MYO1B: variants seen among roughly 807,000 people sequenced by gnomAD.
The protein encoded by MYO1B is myosin IB, also known as unconventional myosin-Ib.
A neutral mutation model predicts 159.7 loss-of-function variants in MYO1B; 72 were observed. The ratio of observed to expected loss-of-function variants is 0.45; its 90% confidence interval spans 0.37 to 0.55. The LOEUF is 0.55. Among genes scored for constraint, MYO1B ranks in the 20% least tolerant of loss-of-function variants. The pLI is 0.00. For synonymous variants in MYO1B, 468 were observed against 473.8 expected (o/e 0.99, Z 0.16); for missense variants, 1,062 against 1,364.8 (o/e 0.78, Z 3.50).
At chr2:191,336,357 C>G (rs1691840867) in intron 4 of MYO1B, among the ~76,000 whole-genome samples, 1 of 152,074 alleles carries the variant, frequency 6.6e-6, no homozygotes, top group Admixed American at 6.5e-5. Flanking sequence ...TAAACATTGG[C>G]GAGCATTTCA....
intron 5 of MYO1B, among the ~76,000 whole-genome samples, chr2:191,344,557 G>A (rs1338401115): frequency 1.3e-5 from 2 of 152,130 alleles, no homozygotes; most frequent in South Asian, 2.1e-4. Flanking sequence ...ACAGCCGGGC[G>A]TGGTGGCTCA....
intron 13 of MYO1B, among the ~76,000 whole-genome samples, chr2:191,374,347 G>A (rs144819893): frequency 2.4e-4 from 36 of 152,268 alleles, no homozygotes; most frequent in South Asian, 1.0e-3. Context: ...TATTTGTTCT[G>A]TTGTTCTTCA....
intron 1 of MYO1B, among the ~76,000 whole-genome samples, chr2:191,249,682 A>C (rs1685996438): frequency 6.6e-6 from 1 of 152,220 alleles, no homozygotes; most frequent in Non-Finnish European, 1.5e-5. Context: ...AGTCAATATT[A>C]GGTTTTTGTT....
chr2:191,381,554 G>A lies in MYO1B; in HGVS notation c.1278G>A (p.Glu426=). The part of the protein sequence containing the change: ...IELTLKEEQE[E]YIREDIEWTH... ...TTACTCTTAAAGAAGAGCAGGAGGA[G>A]TATATACGGGAGGTAATGTTGAAAT... Residue 426 remains glutamate, a synonymous_variant, in exon 14 of 31, where the codon GAG becomes GAA. Transcript: ENST00000392318. The A allele has an allele frequency of 6.2e-7, 1 of 1,609,624 alleles. No individual in the cohort carries two copies. The highest frequency in any genetic ancestry group is 8.5e-7 in the Non-Finnish European group (1 of 1,176,938).
intron 13 of MYO1B, among the ~76,000 whole-genome samples, chr2:191,376,291 G>C (rs1275945329): frequency 6.6e-6 from 1 of 152,086 alleles, no homozygotes; most frequent in Non-Finnish European, 1.5e-5. Context: ...ATATTTTGAG[G>C]ATTTTTTAAG....
rs1256549425 is a variant in MYO1B at position 191,260,253 on chromosome 2, G to GTTTTTTTTTTTTTTTTTTTTTT, written c.-10+14627_-10+14628insTTTTTTTTTTTTTTTTTTTTTT. Among the ~76,000 whole-genome samples the GTTTTTTTTTTTTTTTTTTTTTT allele has an allele frequency of 4.0e-3, 91 of 22,584 alleles. 1 individual carries two copies. The Non-Finnish European group carries it at 0.055, about 14-fold the overall frequency. 14.8% of individuals were successfully genotyped at this position (22,584 alleles called of 152,430 possible). ...ATAATATTACTTTTTTCCCAGATAG[G>GTTTTTTTTTTTTTTTTTTTTTT]CTTTTTTTTTTTTTGAATTAAAGCT... On this transcript the variant is annotated intron_variant, in intron 1 of 30. Coordinates refer to ENST00000392318, the MANE Select transcript of MYO1B (RefSeq NM_001130158.3).
intron 7 of MYO1B, among the ~76,000 whole-genome samples, chr2:191,353,829 T>C (rs866527941): frequency 1.3e-4 from 20 of 152,354 alleles, no homozygotes; most frequent in Non-Finnish European, 1.8e-4. Context: ...GCCTGGTACA[T>C]AGTGAGCACT....
chr2:191,363,833 C>G lies in MYO1B; in HGVS notation c.871C>G (p.Arg291Gly), dbSNP rs1441553990. The G allele has an allele frequency of 6.2e-7, 1 of 1,613,562 alleles. No homozygotes were observed. The highest frequency in any genetic ancestry group is 8.5e-7 in the Non-Finnish European group (1 of 1,179,890). Residue 291 changes from arginine to glycine, a missense_variant, in exon 10 of 31, where the codon CGA (arginine) becomes GGA (glycine). Coordinates refer to ENST00000392318, the MANE Select transcript of MYO1B (RefSeq NM_001130158.3). Reference sequence around the variant, plus strand: ...GAACATTGAGTTCAAGCCCGAATCTCGAGTGAATGGTCTAGATGAAAGCAA... The same window carrying G: ...GAACATTGAGTTCAAGCCCGAATCTGGAGTGAATGGTCTAGATGAAAGCAA... The part of the protein sequence containing the change: ...LGNIEFKPES[R>G]VNGLDESKIK...
At chr2:191,365,554 T>C (rs1417252241) in intron 11 of MYO1B, among the ~76,000 whole-genome samples, 4 of 152,192 alleles carry the variant, frequency 2.6e-5, no homozygotes, top group African/African-American at 9.7e-5. Context: ...GTCATATCTG[T>C]CCAAGTCATC....
At chr2:191,303,153 A>C (rs895924350) in intron 3 of MYO1B, among the ~76,000 whole-genome samples, 5 of 152,246 alleles carry the variant, frequency 3.3e-5, no homozygotes, top group Non-Finnish European at 7.3e-5. Context: ...TCCAGGGCAG[A>C]AGACTCACAC....
chr2:191,398,483 C>A (rs887332830), intron 21 of MYO1B, among the ~76,000 whole-genome samples: 5 of 149,794 alleles, frequency 3.3e-5, no homozygotes, highest in African/African-American at 9.8e-5. Flanking sequence ...GGGTGGCTGC[C>A]GGACGGAGGG....
At chr2:191,394,641 A>T (rs1282964979) in intron 20 of MYO1B, among the ~76,000 whole-genome samples, 1 of 152,166 alleles carries the variant, frequency 6.6e-6, no homozygotes, top group Non-Finnish European at 1.5e-5. Flanking sequence ...ATAAAGAATA[A>T]TGGGGAGGCG....
At chr2:191,366,536 T>C (rs1295881100) in intron 11 of MYO1B, among the ~76,000 whole-genome samples, 2 of 152,110 alleles carry the variant, frequency 1.3e-5, no homozygotes, top group African/African-American at 4.8e-5. Context: ...TATTGCCCCA[T>C]GCCTCCTTTT....
At chr2:191,293,873 C>T (rs570848831) in intron 2 of MYO1B, among the ~76,000 whole-genome samples, 2 of 152,292 alleles carry the variant, frequency 1.3e-5, no homozygotes, top group South Asian at 2.1e-4. Context: ...CTGGTTCAAA[C>T]ACCTCTAACA....
At chr2:191,413,246 G>T (rs1697359793) in intron 27 of MYO1B, among the ~76,000 whole-genome samples, 1 of 152,184 alleles carries the variant, frequency 6.6e-6, no homozygotes, top group African/African-American at 2.4e-5. Flanking sequence ...CTAACCTACT[G>T]AACACAATCA....
chr2:191,249,350 T>C (rs980904766), intron 1 of MYO1B, among the ~76,000 whole-genome samples: 3 of 152,244 alleles, frequency 2.0e-5, no homozygotes, highest in Non-Finnish European at 2.9e-5. Flanking sequence ...AGTAGCCTTT[T>C]ACAGAAGGCA....
chr2:191,414,109 C>T lies in MYO1B; in HGVS notation c.2935C>T (p.Leu979Phe), dbSNP rs1313056553. 6.2e-7 allele frequency: 1 copy of T among 1,613,216 alleles called. No individual in the cohort carries two copies. The highest frequency in any genetic ancestry group is 1.3e-5 in the African/African-American group (1 of 74,866). Residue 979 changes from leucine to phenylalanine, a missense_variant, in exon 28 of 31, where the codon CTC (leucine) becomes TTC (phenylalanine). Leu to Phe is a conservative substitution (Grantham distance 22). Transcript: ENST00000392318. ...EINKNPKYKK[L>F]KDAIEEKIII... ...CAACAAGAACCCCAAGTATAAGAAA[C>T]TCAAAGATGCCATTGAAGAAAAGAT...
At chr2:191,380,750 G>A (rs182935056) in intron 13 of MYO1B, among the ~76,000 whole-genome samples, 2 of 152,222 alleles carry the variant, frequency 1.3e-5, no homozygotes, top group Non-Finnish European at 2.9e-5. Flanking sequence ...TTCTTGTCAG[G>A]GAGATGCTTT....
At chr2:191,313,949 G>T (rs1039190429) in intron 3 of MYO1B, among the ~76,000 whole-genome samples, 1 of 152,162 alleles carries the variant, frequency 6.6e-6, no homozygotes, top group Non-Finnish European at 1.5e-5. Flanking sequence ...TCTTGTGCCC[G>T]GGAAGGGAGA....
Sources: allele counts gnomAD v4.1 joint callset (sites outside exome capture counted in the v4.1 genomes callset), GRCh38; gene constraint gnomAD v4.1.1; transcripts MANE v1.5; gene names NCBI Gene and HGNC (gene_info 2026-07-23, HGNC 2026-07-21).